MLIP: variants seen among roughly 807,000 people sequenced by gnomAD.
MLIP encodes muscular LMNA-interacting protein.
MLIP carries 79 observed loss-of-function variants against 84.8 expected under a neutral mutation model. The observed-to-expected ratio is 0.93, with a 90% confidence interval of 0.78 to 1.12. The LOEUF (loss-of-function observed/expected upper bound fraction) is 1.12, where lower values mean the gene tolerates loss of function less well. Ranked by LOEUF, MLIP falls within the 50% of genes most tolerant of loss-of-function variation. The probability of loss-of-function intolerance (pLI) is 0.00; values close to 1 mark genes in which losing one functional copy is unlikely to be tolerated. For missense variants in MLIP, 1,257 were observed against 1,160.6 expected (o/e 1.08, Z -1.21); for synonymous variants, 504 against 463.0 (o/e 1.09, Z -1.14).
intron 9 of MLIP, among the ~76,000 whole-genome samples, chr6:54,187,667 G>A (rs753986302): frequency 3.3e-5 from 5 of 152,082 alleles, no homozygotes; most frequent in South Asian, 2.1e-4. Flanking sequence ...ATATAAAAAC[G>A]AGTTTGAGAT....
At chr6:54,025,734 A>G (rs889807572) in intron 1 of MLIP, among the ~76,000 whole-genome samples, 1 of 133,878 alleles carries the variant, frequency 7.5e-6, no homozygotes, top group Admixed American at 8.1e-5. Context: ...TTGCCCCCAT[A>G]CGTTAACTCC....
At chr6:54,075,754 G>A (rs1386269794) in intron 1 of MLIP, among the ~76,000 whole-genome samples, 5 of 152,118 alleles carry the variant, frequency 3.3e-5, no homozygotes, top group African/African-American at 1.2e-4. Flanking sequence ...TATTCCATAT[G>A]GGCTCCTGGT....
intron 1 of MLIP, among the ~76,000 whole-genome samples, chr6:54,099,175 A>C (rs573729429): frequency 7.9e-4 from 120 of 152,334 alleles, no homozygotes; most frequent in African/African-American, 2.9e-3. Flanking sequence ...TTCCCATGTC[A>C]GCTTTGACAG....
intron 1 of MLIP, among the ~76,000 whole-genome samples, chr6:54,022,499 C>G (rs544793680): frequency 1.3e-5 from 2 of 152,214 alleles, no homozygotes; most frequent in African/African-American, 4.8e-5. Context: ...ATATTTGTAT[C>G]TATAACATGA....
rs541914878 is a variant in MLIP, at chr6:54,246,627, C to A, written c.2923-10681C>A. Among the ~76,000 whole-genome samples the A allele has an allele frequency of 1.1e-4, 17 of 152,114 alleles. No homozygotes were observed. In the South Asian group the frequency reaches 3.3e-3, roughly 30 times the overall value. ...ATCTCGCTACATAACCTTAATTCTA[C>A]CATATTATCACATTTTTCATAACTT... On this transcript the variant is annotated intron_variant, in intron 12 of 13. Transcript: ENST00000502396.
At chr6:54,256,606 G>T (rs970988329) in intron 12 of MLIP, among the ~76,000 whole-genome samples, 2 of 152,030 alleles carry the variant, frequency 1.3e-5, no homozygotes, top group Non-Finnish European at 2.9e-5. Flanking sequence ...TGTCTCTTAG[G>T]TTGTCTCTTT....
At chr6:54,111,713 C>T (rs1253515062) in intron 1 of MLIP, 138 bp downstream of exon 1, 1 of 901,294 alleles carries the variant, frequency 1.1e-6, no homozygotes, top group Admixed American at 2.6e-5. Flanking sequence ...GAAATGCTAT[C>T]TTCACTTAGA....
intron 11 of MLIP, chr6:54,203,890 T>G (rs1778865712): frequency 6.6e-6 from 1 of 152,202 alleles, no homozygotes; most frequent in Admixed American, 6.5e-5. Context: ...CCGGCTGGCT[T>G]CAGTTTCTTA....
chr6:54,094,951 C>A (rs1229177964), intron 1 of MLIP, among the ~76,000 whole-genome samples: 2 of 152,128 alleles, frequency 1.3e-5, no homozygotes, highest in Non-Finnish European at 1.5e-5. Flanking sequence ...AGAAAACAAC[C>A]TCCAAACACA....
intron 10 of MLIP, among the ~76,000 whole-genome samples, chr6:54,193,200 C>T (rs1181139106): frequency 2.6e-5 from 4 of 152,022 alleles, no homozygotes; most frequent in Non-Finnish European, 5.9e-5. Flanking sequence ...TTCTCTTCTA[C>T]TATTAAACTG....
intron 10 of MLIP, among the ~76,000 whole-genome samples, chr6:54,198,912 T>TTG: frequency 1.3e-5 from 2 of 149,350 alleles, no homozygotes; most frequent in Non-Finnish European, 3.0e-5. Context: ...GTGTGTGTGT[T>TTG]TGTGTGTGTG....
intron 3 of MLIP, among the ~76,000 whole-genome samples, chr6:54,135,121 G>T (rs908517534): frequency 1.3e-5 from 2 of 152,074 alleles, no homozygotes; most frequent in Admixed American, 1.3e-4. Context: ...ACATTCAGCT[G>T]CCCAGCTAGT....
rs747623936 is a variant in MLIP, at chr6:54,265,914, A to C, written c.2977-36A>C. 6 of 1,597,760 alleles carry C rather than the reference A, an allele frequency of 3.8e-6. No individual in the cohort carries two copies. The African/African-American group carries it at 4.0e-5, about 11-fold the overall frequency. ...CAGGTGTATATTTTTAAATTTATTCATCTTAACCTGACTACCATATTCTCT... is the reference window on the plus strand; with the variant it reads ...CAGGTGTATATTTTTAAATTTATTCCTCTTAACCTGACTACCATATTCTCT... On this transcript the variant is annotated intron_variant, in intron 13 of 13. Transcript: ENST00000502396.
chr6:54,060,831 T>G (rs1239963611), intron 1 of MLIP, among the ~76,000 whole-genome samples: 1 of 152,034 alleles, frequency 6.6e-6, no homozygotes, highest in African/African-American at 2.4e-5. Context: ...GAGAAAAAAT[T>G]ACATACATAC....
At chr6:54,083,758 A>G in intron 1 of MLIP, 1 of 918,728 alleles carries the variant, frequency 1.1e-6, no homozygotes, top group Non-Finnish European at 1.7e-6. Flanking sequence ...GGCTGTTTAT[A>G]ATGGTATCAG....
rs1378313204 is a variant in MLIP, at chr6:54,066,184, A to G, written c.63+47093A>G. Among the ~76,000 whole-genome samples, 3 of 99,834 alleles carry G rather than the reference A, an allele frequency of 3.0e-5. 1 individual carries two copies. Among genetic ancestry groups the G allele is most frequent in the Admixed American group, 2.8e-4 (3 of 10,666 alleles). 65.5% of individuals were successfully genotyped at this position (99,834 alleles called of 152,430 possible). A position where few individuals can be genotyped will look rare whatever the true frequency, so the allele number is the denominator to read the frequency against. ...AAAAATCTCAAATTATTTACTTAGA[A>G]TGAATTCCAAAATTTGAATTATTAG... is the stretch of plus-strand genomic sequence containing the variant. On this transcript the variant is annotated intron_variant, in intron 1 of 12. Transcript: ENST00000274897.
chr6:54,152,652 G>A (rs947881000), intron 5 of MLIP, among the ~76,000 whole-genome samples: 1 of 152,078 alleles, frequency 6.6e-6, no homozygotes, highest in Non-Finnish European at 1.5e-5. Context: ...ATTGAGATTT[G>A]GGAGGGGTCA....
intron 11 of MLIP, chr6:54,217,566 A>G (rs1281892962): frequency 1.0e-6 from 1 of 984,250 alleles, no homozygotes; most frequent in East Asian, 1.1e-4. Flanking sequence ...CTTGCTTCAT[A>G]AGTTCCTGTC....
chr6:54,235,522 G>T (rs61111674), intron 12 of MLIP, among the ~76,000 whole-genome samples: 3,711 of 152,096 alleles, frequency 0.024, 149 homozygotes, highest in African/African-American at 0.085. Context: ...TGTTGTGCTT[G>T]TCTTGGTGTT....
Sources: gnomAD v4.1 joint callset for allele counts (sites outside exome capture counted in the v4.1 genomes callset) on GRCh38, gnomAD v4.1.1 for gene constraint, MANE v1.5 for transcripts, NCBI Gene and HGNC (gene_info 2026-07-23, HGNC 2026-07-21) for gene names.